Variants in SCLY observed in about 807,000 individuals in gnomAD.
The protein encoded by SCLY is selenocysteine lyase.
In SCLY, 38 loss-of-function variants were observed where a neutral mutation model predicts 50.1. The observed-to-expected ratio is 0.76, with a 90% CI of 0.59 to 0.99. The LOEUF (loss-of-function observed/expected upper bound fraction) is 0.99. Ranked by LOEUF, SCLY falls within the 50% of genes least tolerant of loss-of-function variation. The probability of loss-of-function intolerance (pLI) is 0.00; values close to 1 mark genes in which losing one functional copy is unlikely to be tolerated. For missense variants in SCLY, 600 were observed against 620.0 expected (o/e 0.97, Z 0.34); for synonymous variants, 243 against 249.4 (o/e 0.97, Z 0.24).
intron 7 of SCLY, among the ~76,000 whole-genome samples, chr2:238,090,868 T>G (rs1350492639): frequency 6.6e-6 from 1 of 152,114 alleles, no homozygotes; most frequent in African/African-American, 2.4e-5. Context: ...TCTCCCCTGT[T>G]CCATACTATA....
rs1271614735 is a variant in SCLY, at chr2:238,098,539, G to A, written c.*184G>A. 5.1e-6 allele frequency: 3 copies of A among 583,300 alleles called. No individual in the cohort carries two copies. Among genetic ancestry groups the A allele is most frequent in the East Asian group, 3.4e-5 (1 of 29,570 alleles). The allele number at this position is 583,300 out of a possible 1,614,324, so 36.1% of individuals were successfully genotyped here. On this transcript the variant is annotated 3_prime_UTR_variant, in exon 12 of 12. Coordinates refer to ENST00000254663, the MANE Select transcript of SCLY (RefSeq NM_016510.7). ...TCCCTGGACCCCTGCAGAGCTCACA[G>A]GGCCCAGGACACCAACGCCGCATAG...
intron 6 of SCLY, chr2:238,082,664 A>G (rs2065250408): frequency 5.4e-6 from 1 of 183,656 alleles, no homozygotes; most frequent in Non-Finnish European, 1.2e-5. Flanking sequence ...AGGTGGGAGT[A>G]TGGGGAAAAT....
rs779007259 is a variant in SCLY, at chr2:238,091,230, C to G, written c.897C>G (p.Thr299=). The G allele has an allele frequency of 5.0e-6, 8 of 1,613,502 alleles. No individual in the cohort carries two copies. The highest frequency in any genetic ancestry group is 5.1e-6 in the Non-Finnish European group (6 of 1,179,508). The change falls in exon 8 of 12, where the codon ACC becomes ACG. Residue 299 remains threonine, a synonymous_variant. Coordinates refer to ENST00000254663, the MANE Select transcript of SCLY (RefSeq NM_016510.7). ...ERNFRPGTEN[T]PMIAGLGKAA... is the part of the protein sequence containing the mutation. Reference sequence around the variant, plus strand: ...TTGTTTCTTACAGGACAGAGAACACCCCAATGATTGCTGGCCTTGGGAAGG... The same window carrying G: ...TTGTTTCTTACAGGACAGAGAACACGCCAATGATTGCTGGCCTTGGGAAGG...
chr2:238,098,654 CCCACATAGAACCGT>C lies in SCLY; in HGVS notation c.*302_*315del, dbSNP rs1574721724. ...ACATGGGACCGCCCACATGGGACCG[CCCACATAGAACCGT>C]CCTCCAGTGGTGAAGCGGAAACACT... On this transcript the variant is annotated 3_prime_UTR_variant, in exon 12 of 12. Coordinates refer to ENST00000254663, the MANE Select transcript of SCLY (RefSeq NM_016510.7). 4.6e-6 allele frequency: 2 copies of C among 432,266 alleles called. No homozygotes were observed. The highest frequency in any genetic ancestry group is 3.6e-5 in the East Asian group (1 of 27,416). The allele number at this position is 432,266 out of a possible 1,614,324, so 26.8% of individuals were successfully genotyped here.
At chr2:238,063,256 G>GTTT (rs56051146) in intron 1 of SCLY, among the ~76,000 whole-genome samples, 4 of 141,792 alleles carry the variant, frequency 2.8e-5, no homozygotes, top group African/African-American at 1.0e-4. Context: ...TTTTGTTGTT[G>GTTT]TTTTTTTTTT....
chr2:238,087,935 TA>T (rs1341050011), intron 7 of SCLY, among the ~76,000 whole-genome samples: 4 of 151,632 alleles, frequency 2.6e-5, no homozygotes, highest in African/African-American at 9.7e-5. Flanking sequence ...CTACAAAAAA[TA>T]AAAAAATTAA....
intron 8 of SCLY, chr2:238,091,531 T>C: frequency 2.0e-5 from 8 of 394,586 alleles, no homozygotes; most frequent in Admixed American, 4.2e-5. Flanking sequence ...AGAGGTGAAG[T>C]GTCAAGCTGC....
At position 238,094,515 on chromosome 2, in the gene SCLY, G is replaced by C. The variant is rs758298718; in HGVS notation, c.1101G>C (p.Arg367=). Residue 367 remains arginine (R), a synonymous_variant, in exon 10 of 12, where the codon CGG becomes CGC. Coordinates refer to ENST00000254663, the MANE Select transcript of SCLY (RefSeq NM_016510.7). The stretch of plus-strand genomic sequence containing the variant: ...GTAACTTTTCCATCCGGGGACCCCG[G>C]CTTCAAGGTGATGGCCCCTCACCCT... ...NTCNFSIRGP[R]LQGHVVLAQC... The C allele has an allele frequency of 8.1e-6, 13 of 1,613,724 alleles. No homozygotes were observed. The highest frequency in any genetic ancestry group is 1.1e-5 in the Non-Finnish European group (13 of 1,179,762).
rs867362866 is a variant in SCLY at position 238,069,324 on chromosome 2, G to A, written c.331G>A (p.Val111Met). ...ESNNLVIHSV[V>M]KHFHANQTSK... ...AAATAATTTAGTAATCCATTCTGTG[G>A]TGAAACATTTCCACGCAAACCAGAC... Residue 111 changes from valine to methionine, a missense_variant, in exon 4 of 12, where the codon GTG (valine) becomes ATG (methionine). By Grantham distance (21) the Val-to-Met change is conservative. Transcript: ENST00000254663. The surrounding 1 kb of genome is among the most constrained non-coding windows in gnomAD (Gnocchi z 5.0). 6.2e-6 allele frequency: 10 copies of A among 1,613,830 alleles called. No homozygotes were observed. Among genetic ancestry groups the A allele is most frequent in the African/African-American group, 1.3e-5 (1 of 75,040 alleles).
chr2:238,078,689 A>G (rs1449696232), intron 4 of SCLY: 3 of 151,272 alleles, frequency 2.0e-5, no homozygotes, highest in Non-Finnish European at 4.4e-5. Context: ...ATTGTTACAA[A>G]TATCTTTTTT....
intron 7 of SCLY, among the ~76,000 whole-genome samples, chr2:238,090,683 A>G (rs890520732): frequency 2.6e-5 from 4 of 152,110 alleles, no homozygotes; most frequent in African/African-American, 9.7e-5. Context: ...TTTTCCTGAA[A>G]ATAGGGTAAT....
chr2:238,090,995 T>G (rs907659286), intron 7 of SCLY, among the ~76,000 whole-genome samples: 4 of 152,158 alleles, frequency 2.6e-5, no homozygotes, highest in African/African-American at 9.7e-5. Flanking sequence ...ACCCAACACA[T>G]CACCCACAGT....
At chr2:238,095,495 A>T (rs1036043235) in intron 10 of SCLY, 1 of 152,174 alleles carries the variant, frequency 6.6e-6, no homozygotes. Flanking sequence ...GATCACGCAG[A>T]GAAACCCAGC....
chr2:238,093,578 TGTCC>T, intron 8 of SCLY: 1 of 450,874 alleles, frequency 2.2e-6, no homozygotes, highest in Non-Finnish European at 4.0e-6. Flanking sequence ...CCCCTGCTTT[TGTCC>T]GTCTGCCTCT....
At chr2:238,089,864 C>G (rs2065343853) in intron 7 of SCLY, among the ~76,000 whole-genome samples, 1 of 152,018 alleles carries the variant, frequency 6.6e-6, no homozygotes, top group African/African-American at 2.4e-5. Context: ...TAGGACTAGG[C>G]AAAGAGTTCT....
At position 238,067,247 on chromosome 2, in the gene SCLY, C is replaced by T. The variant is rs372035345; in HGVS notation, c.203-818C>T. On this transcript the variant is annotated intron_variant, in intron 2 of 11. Coordinates refer to ENST00000254663, the MANE Select transcript of SCLY (RefSeq NM_016510.7). The surrounding 1 kb of genome is among the most constrained non-coding windows in gnomAD (Gnocchi z 4.3). ...ACTAAAACTGACATCTATACAGTAG[C>T]GTTAAGGAGCAGCAGAATTACTTTG... Among the ~76,000 whole-genome samples the T allele has an allele frequency of 5.3e-4, 81 of 152,280 alleles. 1 individual carries two copies. In the East Asian group the frequency reaches 0.012, roughly 22 times the overall value.
At chr2:238,093,707 C>A in intron 8 of SCLY, 154 bp from the exon 9 acceptor site, 1 of 719,088 alleles carries the variant, frequency 1.4e-6, no homozygotes, top group Non-Finnish European at 2.4e-6. Context: ...CACTTCCACA[C>A]CCTCCAAATG....
chr2:238,081,973 T>C, intron 5 of SCLY, 72 bp from the exon 6 acceptor site: 1 of 1,582,676 alleles, frequency 6.3e-7, no homozygotes, highest in Non-Finnish European at 8.6e-7. Flanking sequence ...CTGCGCTCAC[T>C]ACTCCTGATT....
At chr2:238,093,800 T>C (rs955844799) in intron 8 of SCLY, 61 bp from the exon 9 acceptor site, 192 of 1,493,488 alleles carry the variant, frequency 1.3e-4, no homozygotes, top group Admixed American at 7.6e-4. Flanking sequence ...CGTTGAAAGC[T>C]TTTTGGCCCT....
Sources: allele counts gnomAD v4.1 joint callset (sites outside exome capture counted in the v4.1 genomes callset), GRCh38; gene constraint gnomAD v4.1.1; non-coding constraint Gnocchi (gnomAD v3.1); transcripts MANE v1.5; gene names NCBI Gene and HGNC (gene_info 2026-07-23, HGNC 2026-07-21).